Variants in CCND2 observed in about 807,000 individuals in gnomAD.
CCND2 encodes the protein G1/S-specific cyclin-D2.
Under a neutral mutation model 30.2 loss-of-function variants are expected in CCND2, and 6 were observed. That is an observed-to-expected ratio of 0.20 (90% CI 0.11 to 0.39). CCND2 has a LOEUF of 0.39. Ranked by LOEUF, CCND2 falls within the 10% of genes least tolerant of loss-of-function variation. The pLI is 1.00. For synonymous variants in CCND2, 150 were observed against 153.1 expected (o/e 0.98, Z 0.15); for missense variants, 235 against 373.4 (o/e 0.63, Z 3.06).
chr12:4,281,258 C>CACTT (rs1392399502), intron 3 of CCND2, among the ~76,000 whole-genome samples: 2 of 152,216 alleles, frequency 1.3e-5, no homozygotes, highest in African/African-American at 4.8e-5. Flanking sequence ...CCCTCATCTG[C>CACTT]ACTTGGGTTT....
In CCND2 at chr12:4,273,999, A is replaced by C; in HGVS notation, c.-42A>C. ...AACAAAAACAGAAAAACCTTTTTCCAGGCCGGGGAAAGCAGGAGGGAGAGG... is the reference window on the plus strand; with the variant it reads ...AACAAAAACAGAAAAACCTTTTTCCCGGCCGGGGAAAGCAGGAGGGAGAGG... On this transcript the variant is annotated 5_prime_UTR_variant, in exon 1 of 5. Coordinates refer to ENST00000261254, the MANE Select transcript of CCND2 (RefSeq NM_001759.4). The surrounding 1 kb of genome is among the most constrained non-coding windows in gnomAD (Gnocchi z 5.9). 6.3e-7 allele frequency: 1 copy of C among 1,582,028 alleles called. No homozygotes were observed. Among genetic ancestry groups the C allele is most frequent in the Non-Finnish European group, 8.6e-7 (1 of 1,161,972 alleles).
At position 4,285,452 on chromosome 12, in the gene CCND2, A is replaced by C; in HGVS notation, c.572-3390A>C. The C allele has an allele frequency of 2.0e-6, 2 of 983,240 alleles. No homozygotes were observed. The highest frequency in any genetic ancestry group is 2.4e-6 in the Non-Finnish European group (2 of 827,954). The allele number at this position is 983,240 out of a possible 1,614,324, so 60.9% of individuals were successfully genotyped here. On this transcript the variant is annotated intron_variant, in intron 3 of 4. Coordinates refer to ENST00000261254, the MANE Select transcript of CCND2 (RefSeq NM_001759.4). The surrounding 1 kb of genome is among the most constrained non-coding windows in gnomAD (Gnocchi z 4.1). The stretch of plus-strand genomic sequence containing the variant: ...ATTTGTACCTGGTTTTTATTTGTTA[A>C]AATAATATTACGTACAAATTTTACA...
chr12:4,291,703 G>A (rs1016109022), intron 4 of CCND2, among the ~76,000 whole-genome samples: 1 of 152,136 alleles, frequency 6.6e-6, no homozygotes, highest in African/African-American at 2.4e-5. Context: ...AGAAAACTTG[G>A]TGATAGAAAC....
At chr12:4,292,120 T>A (rs1864109036) in intron 4 of CCND2, among the ~76,000 whole-genome samples, 1 of 152,136 alleles carries the variant, frequency 6.6e-6, no homozygotes, top group Admixed American at 6.5e-5. Context: ...TTATGTGTAT[T>A]TATGATAGTA....
At chr12:4,275,923 T>G in intron 1 of CCND2, 82 bp from the exon 2 acceptor site, 2 of 898,616 alleles carry the variant, frequency 2.2e-6, no homozygotes, top group East Asian at 5.0e-5. Flanking sequence ...TTCGATAGAT[T>G]ACGCTTTTTT....
Position 4,285,889 on chromosome 12 carries a change from C to T in CCND2, c.572-2953C>T, listed in dbSNP as rs973523774. 6.6e-6 allele frequency among the ~76,000 whole-genome samples: 1 copy of T among 152,180 alleles called. No homozygotes were observed. Among genetic ancestry groups the T allele is most frequent in the African/African-American group, 2.4e-5 (1 of 41,450 alleles). ...CCCTGGTGCCACGGGGAAGTAGCGCCGCTCTGTGGAGAGGGCTGCTTTGTG... is the reference window on the plus strand; with the variant it reads ...CCCTGGTGCCACGGGGAAGTAGCGCTGCTCTGTGGAGAGGGCTGCTTTGTG... On this transcript the variant is annotated intron_variant, in intron 3 of 4. Coordinates refer to ENST00000261254, the MANE Select transcript of CCND2 (RefSeq NM_001759.4). The surrounding 1 kb of genome is among the most constrained non-coding windows in gnomAD (Gnocchi z 4.1).
chr12:4,284,253 A>G (rs1863990969), intron 3 of CCND2, among the ~76,000 whole-genome samples: 1 of 152,216 alleles, frequency 6.6e-6, no homozygotes. Context: ...AATCCTCAGA[A>G]CAGCACTACA....
intron 3 of CCND2, among the ~76,000 whole-genome samples, chr12:4,283,774 T>G (rs1455819924): frequency 6.6e-6 from 1 of 152,220 alleles, no homozygotes; most frequent in Non-Finnish European, 1.5e-5. Context: ...CATCGTTCCT[T>G]GGCTCGGGTG....
At position 4,300,104 on chromosome 12, in the gene CCND2, TA is replaced by T. The variant is rs202049688; in HGVS notation, c.*105del. 3.8e-3 allele frequency: 4,742 copies of T among 1,232,760 alleles called. No individual in the cohort carries two copies. Among genetic ancestry groups the T allele is most frequent in the South Asian group, 7.2e-3 (398 of 55,588 alleles). The allele number at this position is 1,232,760 out of a possible 1,614,324, so 76.4% of individuals were successfully genotyped here. On this transcript the variant is annotated 3_prime_UTR_variant, in exon 5 of 5. Coordinates refer to ENST00000261254, the MANE Select transcript of CCND2 (RefSeq NM_001759.4). ...GTTCTTTGTGTTTTAGGGTGAAACT[TA>T]AAAAAAAAATTCTGCCCCCACCTAG...
At chr12:4,297,570 C>CAAAAAAAA (rs71061177) in intron 4 of CCND2, among the ~76,000 whole-genome samples, 2 of 74,782 alleles carry the variant, frequency 2.7e-5, no homozygotes, top group Non-Finnish European at 4.7e-5. Flanking sequence ...CACTCTGTCT[C>CAAAAAAAA]AAAAAAAAAA....
chr12:4,289,064 T>A, intron 4 of CCND2, 74 bp downstream of exon 4: 1 of 1,401,796 alleles, frequency 7.1e-7, no homozygotes, highest in Non-Finnish European at 9.6e-7. Flanking sequence ...ACGGATTTGA[T>A]TATGTTGTGT....
Position 4,304,047 on chromosome 12 carries a change from T to C in CCND2, c.*4038T>C, listed in dbSNP as rs915690826. On this transcript the variant is annotated 3_prime_UTR_variant, in exon 5 of 5. Transcript: ENST00000261254. The surrounding 1 kb of genome is among the most constrained non-coding windows in gnomAD (Gnocchi z 6.2). ...TCTAGGGCCTCTCCAGACTGTGCCC[T>C]GGGAGCTCTGGGACTGAAAGGTTAA... is the stretch of plus-strand genomic sequence containing the variant. The C allele has an allele frequency of 1.7e-5, 4 of 233,146 alleles. No individual in the cohort carries two copies. Among genetic ancestry groups the C allele is most frequent in the African/African-American group, 8.8e-5 (4 of 45,326 alleles). The allele number at this position is 233,146 out of a possible 1,614,324, so 14.4% of individuals were successfully genotyped here. A position where few individuals can be genotyped will look rare whatever the true frequency, so the allele number is the denominator to read the frequency against.
intron 3 of CCND2, among the ~76,000 whole-genome samples, chr12:4,284,615 T>C (rs1052158591): frequency 6.6e-6 from 1 of 152,186 alleles, no homozygotes; most frequent in African/African-American, 2.4e-5. Flanking sequence ...GCACTCCACG[T>C]TCCAGCTTGG....
At chr12:4,298,008 C>T (rs943157760) in intron 4 of CCND2, 4 of 245,460 alleles carry the variant, frequency 1.6e-5, no homozygotes, top group Non-Finnish European at 3.5e-5. Flanking sequence ...GAATCTATAC[C>T]TCATTTCAAA....
chr12:4,288,651 G>T (rs568584968), intron 3 of CCND2, among the ~76,000 whole-genome samples, 191 bp from the exon 4 acceptor site: 3 of 152,242 alleles, frequency 2.0e-5, no homozygotes, highest in Admixed American at 6.5e-5. Context: ...GTTTAATCTG[G>T]AACAGCCATG....
rs1863837247 is a variant in CCND2 at position 4,274,574 on chromosome 12, G to A, written c.195+339G>A. Among the ~76,000 whole-genome samples the A allele has an allele frequency of 2.6e-5, 4 of 152,048 alleles. No individual in the cohort carries two copies. Among genetic ancestry groups the A allele is most frequent in the Admixed American group, 2.0e-4 (3 of 15,280 alleles). On this transcript the variant is annotated intron_variant, in intron 1 of 4. Transcript: ENST00000261254. This position sits in a 1 kb window ranked among gnomAD's most constrained non-coding sequence, Gnocchi z 7.7. ...CGAAGCCGCCGCGGCTGCTTGCGCT[G>A]CGGCCAGGAAGAGAGTCGGGGCCTG... is the stretch of plus-strand genomic sequence containing the variant.
intron 3 of CCND2, among the ~76,000 whole-genome samples, chr12:4,279,769 T>C (rs901763815): frequency 2.0e-5 from 3 of 151,224 alleles, no homozygotes; most frequent in African/African-American, 7.3e-5. Context: ...CCTGGAACCT[T>C]ACTCATCCAA....
intron 1 of CCND2, chr12:4,275,262 C>G (rs1009885681): frequency 2.0e-5 from 3 of 152,208 alleles, no homozygotes; most frequent in Non-Finnish European, 2.9e-5. Flanking sequence ...AGTTTCCTCC[C>G]GGGATCCAAA....
In CCND2 at chr12:4,285,168, C is replaced by T. The variant is rs776824060; in HGVS notation, c.572-3674C>T. ...AGCCTTAAGAAGTCTGAATATTGTA[C>T]GTTTTGGGGGGAGTCCTCCATGCTG... is the stretch of plus-strand genomic sequence containing the variant. On this transcript the variant is annotated intron_variant, in intron 3 of 4. Coordinates refer to ENST00000261254, the MANE Select transcript of CCND2 (RefSeq NM_001759.4). This position sits in a 1 kb window ranked among gnomAD's most constrained non-coding sequence, Gnocchi z 4.1. 5.1e-5 allele frequency: 17 copies of T among 335,434 alleles called. No individual in the cohort carries two copies. Among genetic ancestry groups the T allele is most frequent in the African/African-American group, 2.5e-4 (11 of 44,758 alleles). 20.8% of individuals were successfully genotyped at this position (335,434 alleles called of 1,614,324 possible). A position where few individuals can be genotyped will look rare whatever the true frequency, so the allele number is the denominator to read the frequency against.
Sources: allele counts gnomAD v4.1 joint callset (sites outside exome capture counted in the v4.1 genomes callset), GRCh38; gene constraint gnomAD v4.1.1; non-coding constraint Gnocchi (gnomAD v3.1); transcripts MANE v1.5; gene names NCBI Gene and HGNC (gene_info 2026-07-23, HGNC 2026-07-21).